The following KCNC4 variants were observed in gnomAD, a reference collection of about 807,000 sequenced individuals.
The protein encoded by KCNC4 is voltage-gated potassium channel KCNC4.
Under a neutral mutation model 42.8 loss-of-function variants are expected in KCNC4, and 23 were observed. The ratio of observed to expected loss-of-function variants is 0.54; its 90% CI spans 0.39 to 0.76. KCNC4 has a LOEUF of 0.76. Ranked by LOEUF, KCNC4 falls within the 30% of genes least tolerant of loss-of-function variation. The probability of loss-of-function intolerance (pLI) is 0.00; values close to 1 mark genes in which losing one functional copy is unlikely to be tolerated. For synonymous variants in KCNC4, 422 were observed against 393.5 expected (o/e 1.07, Z -0.86); for missense variants, 751 against 898.2 (o/e 0.84, Z 2.10).
chr1:110,244,421 G>A lies in KCNC4; in HGVS notation c.*12112G>A, dbSNP rs1203055502. 2.6e-5 allele frequency: 4 copies of A among 152,056 alleles called. No homozygotes were observed. The South Asian group carries it at 6.2e-4, about 24-fold the overall frequency. 9.4% of individuals were successfully genotyped at this position (152,056 alleles called of 1,614,324 possible). A position where few individuals can be genotyped will look rare whatever the true frequency, so the allele number is the denominator to read the frequency against. Reference sequence around the variant, plus strand: ...AAAACCCAGTTCCAGGATGGATCAGGACTAGCCTGAGGGGCCCTGCCTGTC... The same window carrying A: ...AAAACCCAGTTCCAGGATGGATCAGAACTAGCCTGAGGGGCCCTGCCTGTC... On this transcript the variant is annotated 3_prime_UTR_variant, in exon 4 of 4. Coordinates refer to the KCNC4 transcript ENST00000369787.
At chr1:110,253,214 C>T (rs575184157), downstream of KCNC4, among the ~76,000 whole-genome samples, 1 of 152,364 alleles carries the variant, frequency 6.6e-6, no homozygotes, top group African/African-American at 2.4e-5. Flanking sequence ...TTTCCAATCT[C>T]CAACCACATT....
intron 2 of KCNC4, 21 bp from the exon 3 acceptor site, chr1:110,225,954 C>A (rs748102066): frequency 6.4e-7 from 1 of 1,560,070 alleles, no homozygotes; most frequent in Admixed American, 1.8e-5. Flanking sequence ...ATGCAGCCTC[C>A]TTTCTGTGTG....
intron 3 of KCNC4, chr1:110,232,134 A>C (rs1009652353): frequency 6.8e-6 from 9 of 1,315,504 alleles, no homozygotes; most frequent in Non-Finnish European, 9.6e-6. Context: ...TAGACATCCC[A>C]GGCTGAGGGT....
At chr1:110,275,824 G>A (rs934320068) in intron 1 of KCNC4, among the ~76,000 whole-genome samples, 6 of 151,978 alleles carry the variant, frequency 3.9e-5, no homozygotes, top group African/African-American at 1.5e-4. Flanking sequence ...CAGGCATGGT[G>A]GCACACGCCT....
chr1:110,253,600 C>T (rs1174354628), downstream of KCNC4, among the ~76,000 whole-genome samples: 2 of 152,168 alleles, frequency 1.3e-5, no homozygotes, highest in African/African-American at 4.8e-5. Flanking sequence ...CAGTGGGAGA[C>T]CCGGACCAGG....
downstream of KCNC4, among the ~76,000 whole-genome samples, chr1:110,250,698 G>A (rs1659235452): frequency 6.6e-6 from 1 of 152,096 alleles, no homozygotes; most frequent in Non-Finnish European, 1.5e-5. Flanking sequence ...CTACAAACAT[G>A]CAGTGGCACT....
At chr1:110,261,835 A>G (rs1570578760) in intron 1 of KCNC4, among the ~76,000 whole-genome samples, 2 of 152,206 alleles carry the variant, frequency 1.3e-5, no homozygotes, top group African/African-American at 4.8e-5. Context: ...AGGTTTACCA[A>G]TTTTCTCATG....
At chr1:110,227,988 A>G (rs924329729) in intron 3 of KCNC4, among the ~76,000 whole-genome samples, 1 of 152,128 alleles carries the variant, frequency 6.6e-6, no homozygotes, top group African/African-American at 2.4e-5. Flanking sequence ...ACAGGCATGT[A>G]GCTCAGCCAA....
At chr1:110,256,183 C>G (rs1439324604) in intron 1 of KCNC4, among the ~76,000 whole-genome samples, 1 of 152,170 alleles carries the variant, frequency 6.6e-6, no homozygotes, top group Non-Finnish European at 1.5e-5. Flanking sequence ...CCACTTTCCT[C>G]CTGCATTCGA....
intron 1 of KCNC4, among the ~76,000 whole-genome samples, chr1:110,266,836 G>A (rs1018790217): frequency 3.3e-5 from 5 of 152,150 alleles, no homozygotes; most frequent in African/African-American, 7.2e-5. Flanking sequence ...CCCCGGACCC[G>A]AGGACCCCGT....
intron 1 of KCNC4, 107 bp downstream of exon 1, chr1:110,212,284 C>T (rs1289901739): frequency 1.4e-5 from 17 of 1,194,192 alleles, no homozygotes; most frequent in Non-Finnish European, 1.7e-5. Context: ...CTTACCTTAC[C>T]ACCGCAGATT....
intron 1 of KCNC4, among the ~76,000 whole-genome samples, chr1:110,265,006 G>C (rs559137477): frequency 6.6e-6 from 1 of 151,400 alleles, no homozygotes; most frequent in South Asian, 2.1e-4. Context: ...ACTTGAACCC[G>C]GGAGGCGGAG....
At chr1:110,217,804 C>A (rs2100997327) in intron 1 of KCNC4, among the ~76,000 whole-genome samples, 1 of 152,282 alleles carries the variant, frequency 6.6e-6, no homozygotes, top group South Asian at 2.1e-4. Flanking sequence ...GGGACCTAGG[C>A]CTTAGTGCGG....
chr1:110,232,641 G>A, intron 3 of KCNC4: 2 of 1,443,328 alleles, frequency 1.4e-6, no homozygotes, highest in South Asian at 3.0e-5. Flanking sequence ...CCAGAGTTGG[G>A]TTGGCAGAGG....
intron 1 of KCNC4, among the ~76,000 whole-genome samples, chr1:110,219,300 G>A (rs1657968054): frequency 6.6e-6 from 1 of 152,178 alleles, no homozygotes; most frequent in African/African-American, 2.4e-5. Context: ...ATTTTATGGA[G>A]CACCTATTGG....
intron 1 of KCNC4, among the ~76,000 whole-genome samples, chr1:110,261,844 T>C (rs1490934722): frequency 6.6e-6 from 1 of 152,238 alleles, no homozygotes; most frequent in Non-Finnish European, 1.5e-5. Flanking sequence ...AATTTTCTCA[T>C]GGCAAGTACT....
chr1:110,233,046 A>G lies in KCNC4; in HGVS notation c.*74A>G. 2 of 1,531,406 alleles carry G rather than the reference A, an allele frequency of 1.3e-6. No homozygotes were observed. The highest frequency in any genetic ancestry group is 2.4e-5 in the East Asian group (1 of 41,840). 94.9% of individuals were successfully genotyped at this position (1,531,406 alleles called of 1,614,324 possible). A position where few individuals can be genotyped will look rare whatever the true frequency, so the allele number is the denominator to read the frequency against. ...CTTAGGGAAACTCTGGAACCCAGAC[A>G]AGAATCTTTTCGCTGGGAAAGACTC... is the stretch of plus-strand genomic sequence containing the variant. On this transcript the variant is annotated 3_prime_UTR_variant, in exon 4 of 4. Coordinates refer to ENST00000438661, the MANE Select transcript of KCNC4 (RefSeq NM_001039574.3).
rs1657385249 is a variant in KCNC4, at chr1:110,210,671, G to GGACGCCCCGTCTGAGGCACC, written c.-828_-809dup. On this transcript the variant is annotated 5_prime_UTR_variant, in exon 1 of 4. An upstream open reading frame in the 5' UTR gains an earlier in-frame stop. Coordinates refer to ENST00000438661, the MANE Select transcript of KCNC4 (RefSeq NM_001039574.3). ...CGCCCCCCAGGCTCGGCGCCGCGCA[G>GGACGCCCCGTCTGAGGCACC]GACGCCCCGTCTGAGGCACCCCCGC... Among the ~76,000 whole-genome samples the GGACGCCCCGTCTGAGGCACC allele has an allele frequency of 6.6e-6, 1 of 151,026 alleles. No individual in the cohort carries two copies. The highest frequency in any genetic ancestry group is 2.4e-5 in the African/African-American group (1 of 41,240).
downstream of KCNC4, chr1:110,234,622 G>A (rs1021318616): frequency 3.3e-5 from 5 of 152,178 alleles, no homozygotes; most frequent in East Asian, 1.9e-4. Flanking sequence ...AGGGGCACAC[G>A]CAGGGCCAGC....
Sources: allele counts gnomAD v4.1 joint callset (sites outside exome capture counted in the v4.1 genomes callset), GRCh38; gene constraint gnomAD v4.1.1; transcripts MANE v1.5; gene names NCBI Gene and HGNC (gene_info 2026-07-23, HGNC 2026-07-21).